Variants in WWC2 observed in about 807,000 individuals in gnomAD.
The protein encoded by WWC2 is protein WWC2.
A neutral mutation model predicts 138.5 loss-of-function variants in WWC2; 101 were observed. The observed-to-expected ratio is 0.73, with a 90% confidence interval of 0.62 to 0.86. The LOEUF is 0.86. WWC2 is among the 40% of genes least tolerant of loss of function. WWC2 has a pLI of 0.00. For missense variants in WWC2, 1,420 were observed against 1,419.4 expected, an observed-to-expected ratio of 1.00 and a Z score of -0.01; for synonymous variants, 558 against 538.4, an observed-to-expected ratio of 1.04 and a Z score of -0.50.
At chr4:183,142,747 G>A (rs1369545428) in intron 1 of WWC2, among the ~76,000 whole-genome samples, 3 of 152,218 alleles carry the variant, frequency 2.0e-5, no homozygotes, top group Non-Finnish European at 4.4e-5. Context: ...AGAAGCCCTG[G>A]ACTAGAGCCA....
chr4:183,099,820 C>T (rs1418933126), intron 1 of WWC2, among the ~76,000 whole-genome samples, 198 bp downstream of exon 1: 8 of 152,154 alleles, frequency 5.3e-5, no homozygotes, highest in African/African-American at 1.2e-4. Context: ...TTCCCGACGC[C>T]CCTCCGGGGA....
At chr4:183,112,710 A>C (rs1051665317) in intron 1 of WWC2, among the ~76,000 whole-genome samples, 1 of 152,120 alleles carries the variant, frequency 6.6e-6, no homozygotes, top group African/African-American at 2.4e-5. Flanking sequence ...GATAGTAGTG[A>C]ATTTGCTTTG....
chr4:183,320,005 C>T lies in WWC2; in HGVS notation c.*4276C>T. 2 of 1,613,910 alleles carry T rather than the reference C, an allele frequency of 1.2e-6. No individual in the cohort carries two copies. The highest frequency in any genetic ancestry group is 1.7e-6 in the Non-Finnish European group (2 of 1,179,854). On this transcript the variant is annotated 3_prime_UTR_variant, in exon 23 of 23. Transcript: ENST00000403733. ...GAGACCCTGAGTTCAGCAGGCAAAG[C>T]CAGGAAGGAGTCAAAGTCCTTGCAT...
At chr4:183,206,411 C>T (rs1427145607) in intron 2 of WWC2, among the ~76,000 whole-genome samples, 1 of 152,092 alleles carries the variant, frequency 6.6e-6, no homozygotes, top group African/African-American at 2.4e-5. Context: ...GGGGTCCACT[C>T]GGATACAATA....
Position 183,265,686 on chromosome 4 carries a change from A to G in WWC2, c.2040-2A>G. 1 of 1,608,704 alleles carries G rather than the reference A, an allele frequency of 6.2e-7. No homozygotes were observed. On this transcript the variant is annotated splice_acceptor_variant, in intron 12 of 22. Transcript: ENST00000403733. LOFTEE classifies it high-confidence loss of function. ...CTGTTCATCTACTCCCTGTCCATATAGACCTAGTGAAATGGAAGATGTCAC... is the reference window on the plus strand; with the variant it reads ...CTGTTCATCTACTCCCTGTCCATATGGACCTAGTGAAATGGAAGATGTCAC...
chr4:183,137,829 G>A (rs1733170613), intron 1 of WWC2, among the ~76,000 whole-genome samples: 1 of 152,142 alleles, frequency 6.6e-6, no homozygotes, highest in South Asian at 2.1e-4. Flanking sequence ...ATGTCATTGT[G>A]TAGTACATGA....
intron 1 of WWC2, among the ~76,000 whole-genome samples, chr4:183,138,531 T>C (rs1249474550): frequency 6.6e-6 from 1 of 152,232 alleles, no homozygotes; most frequent in Non-Finnish European, 1.5e-5. Context: ...GCTGCTTTTG[T>C]ACTTCAGTGG....
At chr4:183,231,951 A>G (rs981186905) in intron 4 of WWC2, among the ~76,000 whole-genome samples, 35 of 152,316 alleles carry the variant, frequency 2.3e-4, no homozygotes, top group African/African-American at 8.4e-4. Flanking sequence ...AGGTTTTGAC[A>G]CAGGAGAAGG....
chr4:183,112,204 A>T (rs894578108), intron 1 of WWC2, among the ~76,000 whole-genome samples: 1 of 152,112 alleles, frequency 6.6e-6, no homozygotes, highest in African/African-American at 2.4e-5. Context: ...TCAGTCCTTC[A>T]TTTACCCCTG....
At position 183,319,462 on chromosome 4, in the gene WWC2, T is replaced by C. The variant is rs1739558328; in HGVS notation, c.*3733T>C. ...ACAGGAAAAGATGCATTTTCAAAAA[T>C]CAAAAGCACAGTGAGATGACTAGAG... On this transcript the variant is annotated 3_prime_UTR_variant, in exon 23 of 23. Transcript: ENST00000403733. 4 of 1,309,446 alleles carry C rather than the reference T, an allele frequency of 3.1e-6. No homozygotes were observed. The highest frequency in any genetic ancestry group is 1.5e-5 in the African/African-American group (1 of 67,484). 81.1% of individuals were successfully genotyped at this position (1,309,446 alleles called of 1,614,324 possible). A position where few individuals can be genotyped will look rare whatever the true frequency, so the allele number is the denominator to read the frequency against.
intron 1 of WWC2, among the ~76,000 whole-genome samples, chr4:183,130,202 GC>G (rs910679090): frequency 1.2e-4 from 18 of 151,850 alleles, no homozygotes; most frequent in Admixed American, 4.6e-4. Context: ...ACAGGCGCCC[GC>G]CACCACGCCC....
At chr4:183,116,046 C>G (rs1195176690) in intron 1 of WWC2, among the ~76,000 whole-genome samples, 1 of 152,142 alleles carries the variant, frequency 6.6e-6, no homozygotes, top group African/African-American at 2.4e-5. Flanking sequence ...CAGTTTCAGT[C>G]TTCTGCATAT....
chr4:183,248,992 C>A, intron 7 of WWC2, 132 bp downstream of exon 7: 1 of 917,270 alleles, frequency 1.1e-6, no homozygotes, highest in Non-Finnish European at 1.5e-6. Context: ...GTTCCATTTT[C>A]GTAAGATTAG....
chr4:183,205,437 A>G (rs1482143619), intron 2 of WWC2, among the ~76,000 whole-genome samples: 1 of 152,058 alleles, frequency 6.6e-6, no homozygotes, highest in Non-Finnish European at 1.5e-5. Context: ...TGCTTATTCC[A>G]TCCTTTCTAC....
At chr4:183,250,353 C>A (rs1736940725) in intron 8 of WWC2, among the ~76,000 whole-genome samples, 1 of 152,096 alleles carries the variant, frequency 6.6e-6, no homozygotes, top group Non-Finnish European at 1.5e-5. Flanking sequence ...AGGTATAGGA[C>A]TAAATAGCTG....
intron 21 of WWC2, among the ~76,000 whole-genome samples, chr4:183,297,685 C>T (rs1738681374): frequency 1.3e-5 from 2 of 152,174 alleles, no homozygotes; most frequent in Admixed American, 1.3e-4. Context: ...GCTGGGATTA[C>T]AGGCGTGAGC....
chr4:183,189,422 G>A (rs1734925285), intron 1 of WWC2, among the ~76,000 whole-genome samples: 3 of 150,198 alleles, frequency 2.0e-5, no homozygotes, highest in African/African-American at 4.9e-5. Flanking sequence ...GGGTGATAGA[G>A]CGAGACTCAG....
intron 1 of WWC2, among the ~76,000 whole-genome samples, chr4:183,150,874 T>A (rs188454039): frequency 6.6e-6 from 1 of 152,334 alleles, no homozygotes. Flanking sequence ...GAACTCATCC[T>A]TTTTTATGGC....
At chr4:183,290,636 A>G (rs1241176624) in intron 21 of WWC2, among the ~76,000 whole-genome samples, 2 of 152,360 alleles carry the variant, frequency 1.3e-5, no homozygotes, top group East Asian at 3.9e-4. Context: ...CAAGAGTACA[A>G]TTTATATTTT....
Sources: gnomAD v4.1 joint callset for allele counts (sites outside exome capture counted in the v4.1 genomes callset) on GRCh38, gnomAD v4.1.1 for gene constraint, MANE v1.5 for transcripts, NCBI Gene and HGNC (gene_info 2026-07-23, HGNC 2026-07-21) for gene names.